The following PDZD2 variants were observed in gnomAD, a reference collection of about 807,000 sequenced individuals.
The protein encoded by PDZD2 is PDZ domain containing 2.
Under a neutral mutation model 220.7 loss-of-function variants are expected in PDZD2, and 90 were observed. That is an observed-to-expected ratio of 0.41 (90% confidence interval 0.34 to 0.49). The LOEUF (loss-of-function observed/expected upper bound fraction) is 0.49. Among genes scored for constraint, PDZD2 ranks in the 20% least tolerant of loss-of-function variants. PDZD2 has a pLI of 0.28. For synonymous variants in PDZD2, 1,375 were observed against 1,450.5 expected, an observed-to-expected ratio of 0.95 and a Z score of 1.18; for missense variants, 3,174 against 3,608.5, an observed-to-expected ratio of 0.88 and a Z score of 3.08.
intron 1 of PDZD2, among the ~76,000 whole-genome samples, chr5:31,670,463 C>A (rs1436576983): frequency 2.0e-5 from 3 of 152,186 alleles, no homozygotes; most frequent in Non-Finnish European, 4.4e-5. Context: ...GTCGCCCAGG[C>A]TGGAGTGCAG....
chr5:32,053,276 A>G (rs1209723473), intron 9 of PDZD2, among the ~76,000 whole-genome samples: 1 of 152,276 alleles, frequency 6.6e-6, no homozygotes, highest in Non-Finnish European at 1.5e-5. Context: ...ATCCTTTTGA[A>G]TGAATTTCAT....
chr5:31,991,565 G>A (rs985934964), intron 3 of PDZD2, among the ~76,000 whole-genome samples: 9 of 152,156 alleles, frequency 5.9e-5, no homozygotes, highest in Non-Finnish European at 1.2e-4. Flanking sequence ...GTACTAAGGT[G>A]TATATCAGAT....
At chr5:31,975,712 G>GCT (rs1187846706) in intron 2 of PDZD2, among the ~76,000 whole-genome samples, 1 of 151,080 alleles carries the variant, frequency 6.6e-6, no homozygotes, top group East Asian at 1.9e-4. Context: ...GCCCTGGCTT[G>GCT]CTCTCTCTCC....
At chr5:31,876,860 A>G (rs966030572) in intron 2 of PDZD2, among the ~76,000 whole-genome samples, 6 of 152,240 alleles carry the variant, frequency 3.9e-5, no homozygotes, top group African/African-American at 1.4e-4. Context: ...GTGACCAGGT[A>G]TGGCCTCAAA....
In PDZD2 at chr5:31,698,358, G is replaced by C. The variant is rs193224514; in HGVS notation, c.-361+58921G>C. ...CGCCTGTAATCCCAGCACTTTGGGA[G>C]GCCGAGGTGGGCGGATCACGAGGTC... On this transcript the variant is annotated intron_variant, in intron 1 of 24. Transcript: ENST00000438447. Among the ~76,000 whole-genome samples, 331 of 150,328 alleles carry C rather than the reference G, an allele frequency of 2.2e-3. 2 individuals carry two copies. Among genetic ancestry groups the C allele is most frequent in the African/African-American group, 7.7e-3 (315 of 41,152 alleles).
chr5:31,790,945 G>A (rs1046798822), intron 1 of PDZD2, among the ~76,000 whole-genome samples: 15 of 151,156 alleles, frequency 9.9e-5, no homozygotes, highest in South Asian at 2.1e-4. Context: ...TGATCCGCCC[G>A]CGTCGGCCTC....
intron 5 of PDZD2, among the ~76,000 whole-genome samples, chr5:32,010,089 A>AAAAAAAAAAAAG (rs1262994855): frequency 6.6e-6 from 1 of 151,532 alleles, no homozygotes. Flanking sequence ...TGTCTCAAAA[A>AAAAAAAAAAAAG]AAAGAAAAAA....
intron 1 of PDZD2, among the ~76,000 whole-genome samples, chr5:31,745,365 T>C (rs1750534549): frequency 6.6e-6 from 1 of 152,188 alleles, no homozygotes; most frequent in Non-Finnish European, 1.5e-5. Flanking sequence ...GTTTATTTTG[T>C]ACATTGTTTT....
intron 1 of PDZD2, among the ~76,000 whole-genome samples, chr5:31,680,140 T>A (rs1746596807): frequency 6.6e-6 from 1 of 152,212 alleles, no homozygotes; most frequent in Non-Finnish European, 1.5e-5. Context: ...TGCTCTTTAA[T>A]TCATTCATGG....
chr5:31,927,154 T>G (rs1744858912), intron 2 of PDZD2, among the ~76,000 whole-genome samples: 2 of 152,142 alleles, frequency 1.3e-5, no homozygotes, highest in South Asian at 4.2e-4. Flanking sequence ...ACTCTATACC[T>G]CAGCATCATA....
At chr5:31,936,125 G>A (rs1561127472) in intron 2 of PDZD2, 7 of 987,462 alleles carry the variant, frequency 7.1e-6, no homozygotes, top group Non-Finnish European at 8.4e-6. Context: ...GCCGGGAGGA[G>A]AGAGAGAGAA....
intron 1 of PDZD2, among the ~76,000 whole-genome samples, chr5:31,788,198 C>G (rs563199069): frequency 1.4e-4 from 21 of 151,492 alleles, no homozygotes; most frequent in African/African-American, 5.1e-4. Flanking sequence ...TGGTGAAACC[C>G]TCTCTCTACT....
intron 2 of PDZD2, among the ~76,000 whole-genome samples, chr5:31,894,058 CTTT>C (rs35969573): frequency 0.31 from 21,627 of 69,304 alleles, 2,755 homozygotes; most frequent in East Asian, 0.52. Context: ...CCACGCCCAG[CTTT>C]TTTTTTTTTT....
chr5:31,858,277 T>TTA (rs1554084246), intron 2 of PDZD2, among the ~76,000 whole-genome samples: 1 of 150,658 alleles, frequency 6.6e-6, no homozygotes, highest in African/African-American at 2.4e-5. Flanking sequence ...TCCTAGAGTT[T>TTA]AAAAACAAAA....
intron 2 of PDZD2, among the ~76,000 whole-genome samples, chr5:31,825,750 G>A (rs1382667173): frequency 6.6e-6 from 1 of 152,194 alleles, no homozygotes; most frequent in Non-Finnish European, 1.5e-5. Context: ...TTAAGGAAAA[G>A]GTGTTTGAAA....
intron 1 of PDZD2, among the ~76,000 whole-genome samples, chr5:31,656,883 G>A (rs1030853465): frequency 2.0e-5 from 3 of 152,140 alleles, no homozygotes; most frequent in East Asian, 1.9e-4. Context: ...TAGAAGTAGT[G>A]GCTTTTCTAT....
chr5:31,713,321 C>G (rs913500830), intron 1 of PDZD2, among the ~76,000 whole-genome samples: 1 of 152,238 alleles, frequency 6.6e-6, no homozygotes, highest in African/African-American at 2.4e-5. Flanking sequence ...CTGGACGACC[C>G]TAGCTTCTGG....
At chr5:32,005,590 A>G (rs1469407233) in intron 5 of PDZD2, among the ~76,000 whole-genome samples, 2 of 151,972 alleles carry the variant, frequency 1.3e-5, no homozygotes, top group East Asian at 3.8e-4. Flanking sequence ...AGTACTTACT[A>G]TCCATTAACT....
intron 2 of PDZD2, among the ~76,000 whole-genome samples, chr5:31,807,114 T>C (rs1329328974): frequency 6.6e-6 from 1 of 152,088 alleles, no homozygotes; most frequent in Non-Finnish European, 1.5e-5. Context: ...TTTTGTATTT[T>C]TAGTAGAGAC....
Sources: gnomAD v4.1 joint callset for allele counts (sites outside exome capture counted in the v4.1 genomes callset) on GRCh38, gnomAD v4.1.1 for gene constraint, MANE v1.5 for transcripts, NCBI Gene and HGNC (gene_info 2026-07-23, HGNC 2026-07-21) for gene names.